Variants in PPP2R2B observed in about 807,000 individuals in gnomAD.
PPP2R2B encodes serine/threonine-protein phosphatase 2A 55 kDa regulatory subunit B beta isoform.
Under a neutral mutation model 46.0 loss-of-function variants are expected in PPP2R2B, and 5 were observed. The observed-to-expected ratio is 0.11, with a 90% CI of 0.06 to 0.23. PPP2R2B has a LOEUF of 0.23. Among genes scored for constraint, PPP2R2B ranks in the 10% least tolerant of loss-of-function variants. The probability of loss-of-function intolerance (pLI) is 1.00; values close to 1 mark genes in which losing one functional copy is unlikely to be tolerated. For missense variants in PPP2R2B, 367 were observed against 575.0 expected (o/e 0.64, Z 3.70); for synonymous variants, 215 against 206.7 (o/e 1.04, Z -0.34).
At chr5:146,758,288 G>A (rs1331345391) in intron 2 of PPP2R2B, among the ~76,000 whole-genome samples, 1 of 152,120 alleles carries the variant, frequency 6.6e-6, no homozygotes, top group Non-Finnish European at 1.5e-5. Flanking sequence ...TAGCACCAGA[G>A]GAGCTAGGTT....
At chr5:146,650,901 C>T (rs973927907) in intron 5 of PPP2R2B, among the ~76,000 whole-genome samples, 177 bp from the exon 6 acceptor site, 1 of 152,206 alleles carries the variant, frequency 6.6e-6, no homozygotes, top group Non-Finnish European at 1.5e-5. Flanking sequence ...CATTCTGTTC[C>T]TCCTCTTTCA....
At chr5:146,962,476 G>A (rs62373342) in intron 1 of PPP2R2B, among the ~76,000 whole-genome samples, 26,846 of 151,398 alleles carry the variant, frequency 0.18, 3,065 homozygotes, top group East Asian at 0.35. Flanking sequence ...GACCAACATG[G>A]TGAAACCCCG....
intron 1 of PPP2R2B, among the ~76,000 whole-genome samples, chr5:146,902,247 C>T (rs947355452): frequency 1.3e-5 from 2 of 152,096 alleles, no homozygotes; most frequent in Admixed American, 6.6e-5. Context: ...CAAAATACTT[C>T]CTGAGTCCCT....
intron 2 of PPP2R2B, chr5:146,707,028 G>A: frequency 4.7e-6 from 5 of 1,062,398 alleles, no homozygotes; most frequent in South Asian, 1.2e-5. Context: ...CCTTCTTGAT[G>A]AGGACAAATT....
At chr5:147,072,643 C>G (rs1003861272) in intron 2 of PPP2R2B, among the ~76,000 whole-genome samples, 1 of 152,064 alleles carries the variant, frequency 6.6e-6, no homozygotes, top group African/African-American at 2.4e-5. Context: ...AATGAGATAA[C>G]GTGTTGAAAG....
intron 1 of PPP2R2B, among the ~76,000 whole-genome samples, chr5:146,968,869 C>A (rs990816954): frequency 6.6e-6 from 1 of 152,180 alleles, no homozygotes; most frequent in Non-Finnish European, 1.5e-5. Flanking sequence ...GATTATAGTA[C>A]AATCTAGTAA....
At chr5:147,067,772 GCA>G (rs1561610691) in intron 2 of PPP2R2B, among the ~76,000 whole-genome samples, 1 of 152,050 alleles carries the variant, frequency 6.6e-6, no homozygotes, top group East Asian at 1.9e-4. Context: ...GTGTTTAATC[GCA>G]CAGTTACCTA....
At chr5:146,687,975 G>A (rs1162985253) in intron 5 of PPP2R2B, among the ~76,000 whole-genome samples, 1 of 152,290 alleles carries the variant, frequency 6.6e-6, no homozygotes, top group Non-Finnish European at 1.5e-5. Flanking sequence ...AGAGGAGAGC[G>A]TGTTAGTAAA....
At chr5:146,718,258 C>T (rs1749660593) in intron 2 of PPP2R2B, among the ~76,000 whole-genome samples, 1 of 151,958 alleles carries the variant, frequency 6.6e-6, no homozygotes, top group South Asian at 2.1e-4. Context: ...CATGGTGGCA[C>T]ACGCCTATAG....
intron 7 of PPP2R2B, among the ~76,000 whole-genome samples, chr5:146,608,628 C>T (rs1421217116): frequency 6.6e-6 from 1 of 152,146 alleles, no homozygotes; most frequent in East Asian, 1.9e-4. Flanking sequence ...AACCCCATCT[C>T]TACTAAAAAT....
intron 2 of PPP2R2B, among the ~76,000 whole-genome samples, chr5:146,802,995 T>C (rs1459933776): frequency 9.9e-5 from 15 of 152,110 alleles, no homozygotes; most frequent in Admixed American, 9.8e-4. Context: ...ACCAGAGCCA[T>C]AAAGAATGTT....
chr5:146,834,840 A>G (rs563575644), intron 2 of PPP2R2B, among the ~76,000 whole-genome samples: 1 of 152,220 alleles, frequency 6.6e-6, no homozygotes, highest in African/African-American at 2.4e-5. Context: ...TGAGTATTCA[A>G]TGTTTAGCTC....
chr5:146,765,926 TTTGGG>T, intron 2 of PPP2R2B, among the ~76,000 whole-genome samples: 3 of 152,330 alleles, frequency 2.0e-5, no homozygotes, highest in Non-Finnish European at 4.4e-5. Context: ...AAATAGTCAC[TTTGGG>T]AAAGTGTTTA....
intron 2 of PPP2R2B, among the ~76,000 whole-genome samples, chr5:146,787,216 G>C (rs1582102037): frequency 6.6e-6 from 1 of 152,142 alleles, no homozygotes; most frequent in East Asian, 1.9e-4. Context: ...AGGGGAGCAG[G>C]CTGGAAGGGA....
At chr5:146,737,078 G>T (rs1188251605) in intron 2 of PPP2R2B, among the ~76,000 whole-genome samples, 1 of 151,990 alleles carries the variant, frequency 6.6e-6, no homozygotes. Flanking sequence ...TTATTTTCAT[G>T]CTAAGTCTTC....
chr5:147,044,075 A>T (rs1336448558), intron 1 of PPP2R2B, among the ~76,000 whole-genome samples: 2 of 152,142 alleles, frequency 1.3e-5, no homozygotes, highest in Non-Finnish European at 2.9e-5. Flanking sequence ...ACATTAGAAT[A>T]GGGCTAGCCA....
intron 1 of PPP2R2B, among the ~76,000 whole-genome samples, chr5:146,884,047 T>C (rs1356056950): frequency 6.6e-6 from 1 of 151,646 alleles, no homozygotes; most frequent in Non-Finnish European, 1.5e-5. Context: ...GTAGGATATT[T>C]ATATCACAGA....
At position 146,808,080 on chromosome 5, in the gene PPP2R2B, C is replaced by T. The variant is rs141497813; in HGVS notation, c.70+69922G>A. 6.8e-3 allele frequency among the ~76,000 whole-genome samples: 1,032 copies of T among 152,136 alleles called. 14 individuals carry two copies. The highest frequency in any genetic ancestry group is 0.023 in the African/African-American group (969 of 41,526). On this transcript the variant is annotated intron_variant, in intron 2 of 9. Transcript: ENST00000394411. ...CCTCCCAAAGTGCTAGGATTACAGA[C>T]GTGAGCCACCGCACCCAGCTATCTT...
intron 1 of PPP2R2B, among the ~76,000 whole-genome samples, chr5:146,938,431 A>G (rs1206031187): frequency 1.8e-5 from 2 of 113,856 alleles, no homozygotes; most frequent in African/African-American, 9.4e-5. Context: ...TAAGCCCAAA[A>G]GATTCTGCAA....
Sources: gnomAD v4.1 joint callset for allele counts (sites outside exome capture counted in the v4.1 genomes callset) on GRCh38, gnomAD v4.1.1 for gene constraint, MANE v1.5 for transcripts, NCBI Gene and HGNC (gene_info 2026-07-23, HGNC 2026-07-21) for gene names.